Variants in NPAS3 observed in about 807,000 individuals in gnomAD.
The protein encoded by NPAS3 is neuronal PAS domain-containing protein 3.
In NPAS3, 14 loss-of-function variants were observed where a neutral mutation model predicts 73.1. The observed-to-expected ratio is 0.19, with a 90% confidence interval of 0.13 to 0.30. The LOEUF is 0.30. Ranked by LOEUF, NPAS3 falls within the 10% of genes least tolerant of loss-of-function variation. NPAS3 has a pLI of 1.00. For synonymous variants in NPAS3, 620 were observed against 541.5 expected (o/e 1.14, Z -2.01); for missense variants, 1,096 against 1,250.0 (o/e 0.88, Z 1.86).
chr14:32,938,281 C>T (rs1481102227), upstream of NPAS3, among the ~76,000 whole-genome samples: 1 of 152,066 alleles, frequency 6.6e-6, no homozygotes, highest in Non-Finnish European at 1.5e-5. Context: ...TTCCGCTGCC[C>T]CCAAGGAGCT....
intron 5 of NPAS3, among the ~76,000 whole-genome samples, chr14:33,582,383 A>T (rs2056699343): frequency 6.6e-6 from 1 of 152,222 alleles, no homozygotes; most frequent in South Asian, 2.1e-4. Context: ...CGTGCCCAGG[A>T]GGCTGATTTG....
chr14:33,215,648 G>C, intron 3 of NPAS3: 1 of 697,636 alleles, frequency 1.4e-6, no homozygotes, highest in Non-Finnish European at 2.6e-6. Context: ...CTAAAATTCT[G>C]TCACTTTATA....
chr14:33,042,534 A>G (rs1035436213), intron 1 of NPAS3, among the ~76,000 whole-genome samples: 1 of 152,236 alleles, frequency 6.6e-6, no homozygotes, highest in South Asian at 2.1e-4. Context: ...TTGCCAAAAT[A>G]TCAATGCAAT....
intron 6 of NPAS3, among the ~76,000 whole-genome samples, chr14:33,716,851 A>C (rs1198236243): frequency 1.3e-5 from 2 of 151,862 alleles, no homozygotes; most frequent in African/African-American, 4.8e-5. Flanking sequence ...CCTCCTATGC[A>C]CCCTCAGCTG....
At chr14:33,059,810 A>C (rs2041030180) in intron 2 of NPAS3, among the ~76,000 whole-genome samples, 1 of 152,218 alleles carries the variant, frequency 6.6e-6, no homozygotes, top group Non-Finnish European at 1.5e-5. Flanking sequence ...TTTGAACTTT[A>C]TTGTTTTTTA....
At chr14:33,226,467 A>T (rs759713474) in intron 3 of NPAS3, among the ~76,000 whole-genome samples, 1 of 152,242 alleles carries the variant, frequency 6.6e-6, no homozygotes, top group Non-Finnish European at 1.5e-5. Context: ...ATTATCAGCA[A>T]TACAATGAAT....
intron 4 of NPAS3, among the ~76,000 whole-genome samples, chr14:33,475,492 C>A (rs1436735762): frequency 6.7e-6 from 1 of 149,884 alleles, no homozygotes; most frequent in African/African-American, 2.5e-5. Flanking sequence ...CACAGTCTTG[C>A]CTACTTTAAG....
chr14:33,397,991 C>G (rs2047294898), intron 4 of NPAS3, among the ~76,000 whole-genome samples: 1 of 152,146 alleles, frequency 6.6e-6, no homozygotes, highest in African/African-American at 2.4e-5. Flanking sequence ...TTCAGCCAAA[C>G]TGATTTATAT....
chr14:33,471,667 G>T (rs989709875), intron 4 of NPAS3, among the ~76,000 whole-genome samples: 6 of 152,212 alleles, frequency 3.9e-5, no homozygotes, highest in Non-Finnish European at 7.4e-5. Flanking sequence ...AATCAACGAG[G>T]TAGGTAGAAA....
At chr14:32,973,460 T>C (rs1183914300) in intron 1 of NPAS3, among the ~76,000 whole-genome samples, 1 of 152,116 alleles carries the variant, frequency 6.6e-6, no homozygotes, top group Admixed American at 6.6e-5. Flanking sequence ...AAAATGTACT[T>C]TCAGAATTTT....
In NPAS3 at chr14:32,965,747, T is replaced by C. The variant is rs553834230; in HGVS notation, c.50+26381T>C. 7.2e-5 allele frequency among the ~76,000 whole-genome samples: 11 copies of C among 152,288 alleles called. No individual in the cohort carries two copies. The South Asian group carries it at 2.3e-3, about 32-fold the overall frequency. Reference sequence around the variant, plus strand: ...GAGAAAGAAATACAGGGCATCCAAATTGGAAAGAATGAAGTCAGATTGTTC... The same window carrying C: ...GAGAAAGAAATACAGGGCATCCAAACTGGAAAGAATGAAGTCAGATTGTTC... On this transcript the variant is annotated intron_variant, in intron 1 of 11. Transcript: ENST00000356141.
At chr14:33,064,840 A>G (rs1053821247) in intron 2 of NPAS3, among the ~76,000 whole-genome samples, 1 of 152,154 alleles carries the variant, frequency 6.6e-6, no homozygotes, top group African/African-American at 2.4e-5. Flanking sequence ...CTTTTTATAG[A>G]TGTATATCCA....
chr14:33,515,044 G>A (rs773168067), intron 4 of NPAS3, among the ~76,000 whole-genome samples: 2 of 152,066 alleles, frequency 1.3e-5, no homozygotes, highest in African/African-American at 4.8e-5. Context: ...GTTACACAGC[G>A]AATCTGTGAC....
At chr14:33,590,754 T>A (rs2057035340) in intron 5 of NPAS3, among the ~76,000 whole-genome samples, 1 of 152,190 alleles carries the variant, frequency 6.6e-6, no homozygotes, top group Non-Finnish European at 1.5e-5. Flanking sequence ...CTTTGACATT[T>A]GCAGCCAGTT....
chr14:32,943,546 A>C (rs969618111), intron 1 of NPAS3, among the ~76,000 whole-genome samples: 2 of 152,096 alleles, frequency 1.3e-5, no homozygotes, highest in African/African-American at 4.8e-5. Flanking sequence ...TTGAAGTAGG[A>C]CCTGCTGCTA....
At chr14:32,990,434 T>A (rs2139467352) in intron 1 of NPAS3, among the ~76,000 whole-genome samples, 1 of 152,078 alleles carries the variant, frequency 6.6e-6, no homozygotes, top group African/African-American at 2.4e-5. Flanking sequence ...TCCAGATAGG[T>A]TGATGTGACT....
chr14:32,940,631 A>G (rs1408941065), intron 1 of NPAS3, among the ~76,000 whole-genome samples: 61 of 152,220 alleles, frequency 4.0e-4, no homozygotes, highest in Non-Finnish European at 4.4e-5. Context: ...CACAGGCTTA[A>G]GTGAACTTGA....
At chr14:33,568,876 T>C (rs576374815) in intron 5 of NPAS3, among the ~76,000 whole-genome samples, 3 of 152,306 alleles carry the variant, frequency 2.0e-5, no homozygotes, top group Admixed American at 6.5e-5. Context: ...TCTTTCATCC[T>C]CACTCCCTTC....
At chr14:33,033,311 T>G (rs181686962) in intron 1 of NPAS3, among the ~76,000 whole-genome samples, 155 of 152,116 alleles carry the variant, frequency 1.0e-3, no homozygotes, top group African/African-American at 3.6e-3. Flanking sequence ...AAACCTTGTC[T>G]CTACTAAAAA....
Sources: gnomAD v4.1 joint callset for allele counts (sites outside exome capture counted in the v4.1 genomes callset) on GRCh38, gnomAD v4.1.1 for gene constraint, MANE v1.5 for transcripts, NCBI Gene and HGNC (gene_info 2026-07-23, HGNC 2026-07-21) for gene names.